Variants in MAPK9 observed in about 807,000 individuals in gnomAD.
MAPK9 encodes Jun kinase.
Under a neutral mutation model 57.1 loss-of-function variants are expected in MAPK9, and 30 were observed. That is an observed-to-expected ratio of 0.53 (90% CI 0.39 to 0.71). The LOEUF is 0.71. Ranked by LOEUF, MAPK9 falls within the 30% of genes least tolerant of loss-of-function variation. The probability of loss-of-function intolerance (pLI) is 0.00; values close to 1 mark genes in which losing one functional copy is unlikely to be tolerated. For synonymous variants in MAPK9, 155 were observed against 177.0 expected (o/e 0.88, Z 0.99); for missense variants, 362 against 521.0 (o/e 0.69, Z 2.97).
intron 7 of MAPK9, chr5:180,246,051 T>C (rs1450836080): frequency 6.6e-6 from 1 of 152,206 alleles, no homozygotes; most frequent in Non-Finnish European, 1.5e-5. Context: ...TTAATTTTAC[T>C]TACTAAAATG....
rs1019684954 is a variant in MAPK9, at chr5:180,254,810, G to A, written c.451-5672C>T. Among the ~76,000 whole-genome samples the A allele has an allele frequency of 8.5e-5, 13 of 152,158 alleles. No individual in the cohort carries two copies. The East Asian group carries it at 1.7e-3, about 20-fold the overall frequency. On this transcript the variant is annotated intron_variant, in intron 5 of 11. Transcript: ENST00000452135. ...AGCACTTTGGGAGGCCGAGGCGGGCGGATCACGAGGTCAGGAGATCGAGAC... is the reference window on the plus strand; with the variant it reads ...AGCACTTTGGGAGGCCGAGGCGGGCAGATCACGAGGTCAGGAGATCGAGAC...
chr5:180,289,161 C>T (rs1763021860), intron 1 of MAPK9, among the ~76,000 whole-genome samples: 1 of 152,172 alleles, frequency 6.6e-6, no homozygotes, highest in Non-Finnish European at 1.5e-5. Context: ...CTCATGAAAA[C>T]AACTGGTTTA....
At chr5:180,278,970 T>TC (rs1209375634) in intron 2 of MAPK9, among the ~76,000 whole-genome samples, 3 of 151,146 alleles carry the variant, frequency 2.0e-5, no homozygotes, top group East Asian at 3.9e-4. Context: ...TTTTTTTTTT[T>TC]TTTTTGAGAC....
chr5:180,275,302 C>T (rs1761713397), intron 2 of MAPK9, among the ~76,000 whole-genome samples: 1 of 152,106 alleles, frequency 6.6e-6, no homozygotes, highest in African/African-American at 2.4e-5. Context: ...GGGGCACTAG[C>T]AATTTTTGTT....
intron 11 of MAPK9, chr5:180,237,800 T>C (rs972388904): frequency 2.0e-5 from 3 of 152,428 alleles, no homozygotes; most frequent in African/African-American, 7.2e-5. Context: ...AATCTGATGC[T>C]AGCCAGGCTG....
rs376181114 is a variant in MAPK9 at position 180,261,924 on chromosome 5, A to G, written c.312-102T>C. The G allele has an allele frequency of 2.2e-6, 2 of 922,146 alleles. 1 individual carries two copies. The highest frequency in any genetic ancestry group is 6.0e-4 in the Middle Eastern group (2 of 3,356). The allele number at this position is 922,146 out of a possible 1,614,324, so 57.1% of individuals were successfully genotyped here. A position where few individuals can be genotyped will look rare whatever the true frequency, so the allele number is the denominator to read the frequency against. On this transcript the variant is annotated intron_variant, in intron 4 of 11. Coordinates refer to ENST00000452135, the MANE Select transcript of MAPK9 (RefSeq NM_002752.5). Reference sequence around the variant, plus strand: ...CTTACTTCCAATCACTGCACTGGCTAAAGTAAAAAGATAACTTGGTATAAT... The same window carrying G: ...CTTACTTCCAATCACTGCACTGGCTGAAGTAAAAAGATAACTTGGTATAAT...
In MAPK9 at chr5:180,291,898, C is replaced by A. The variant is rs1180916137; in HGVS notation, c.-98G>T. 1 of 147,272 alleles carries A rather than the reference C, an allele frequency of 6.8e-6. No individual in the cohort carries two copies. Among genetic ancestry groups the A allele is most frequent in the African/African-American group, 2.4e-5 (1 of 40,858 alleles). The allele number at this position is 147,272 out of a possible 1,614,324, so 9.1% of individuals were successfully genotyped here. A position where few individuals can be genotyped will look rare whatever the true frequency, so the allele number is the denominator to read the frequency against. Reference sequence around the variant, plus strand: ...GGGAGAGGGCGGGCGGGCGGACTGGCGGCGCTGCGTGCTAGTCACTCCTGG... The same window carrying A: ...GGGAGAGGGCGGGCGGGCGGACTGGAGGCGCTGCGTGCTAGTCACTCCTGG... On this transcript the variant is annotated 5_prime_UTR_variant, in exon 1 of 12. Coordinates refer to ENST00000452135, the MANE Select transcript of MAPK9 (RefSeq NM_002752.5).
intron 2 of MAPK9, chr5:180,279,904 AGT>A: frequency 2.2e-6 from 1 of 456,666 alleles, no homozygotes; most frequent in Non-Finnish European, 4.4e-6. Context: ...ACACAGTTGA[AGT>A]GAGACACCAA....
intron 2 of MAPK9, among the ~76,000 whole-genome samples, chr5:180,269,874 T>C (rs1271457810): frequency 1.3e-5 from 2 of 152,182 alleles, no homozygotes; most frequent in Non-Finnish European, 2.9e-5. Flanking sequence ...TGTGTTTTTT[T>C]CACAAATAAC....
At chr5:180,261,649 G>C in intron 5 of MAPK9, 35 bp downstream of exon 5, 1 of 1,541,488 alleles carries the variant, frequency 6.5e-7, no homozygotes, top group Non-Finnish European at 8.8e-7. Context: ...CCAAATGATT[G>C]TTTTTAAAAA....
intron 4 of MAPK9, chr5:180,263,133 A>C (rs912000326): frequency 6.6e-6 from 1 of 152,278 alleles, no homozygotes; most frequent in East Asian, 1.9e-4. Flanking sequence ...TCCCTAGCCC[A>C]GTCTGCTCTT....
At chr5:180,252,392 T>C (rs896272963) in intron 5 of MAPK9, among the ~76,000 whole-genome samples, 1 of 151,884 alleles carries the variant, frequency 6.6e-6, no homozygotes, top group African/African-American at 2.4e-5. Context: ...CCGTCTGGGG[T>C]CATTCTCCAG....
intron 2 of MAPK9, among the ~76,000 whole-genome samples, chr5:180,278,788 C>T (rs1349612388): frequency 1.9e-5 from 2 of 104,292 alleles, no homozygotes; most frequent in African/African-American, 5.4e-5. Context: ...CTTGCCCCCT[C>T]TCTCCTTTTT....
rs35850133 is a variant in MAPK9 at position 180,259,576 on chromosome 5, C to T, written c.450+2108G>A. Among the ~76,000 whole-genome samples the T allele has an allele frequency of 5.6e-3, 845 of 152,192 alleles. 7 individuals carry two copies. Among genetic ancestry groups the T allele is most frequent in the Non-Finnish European group, 9.2e-3 (626 of 68,016 alleles). ...GGATGTGGTCAAGTCTTCAGACATT[C>T]CAGTTCTCTATGTAAACATGAAAAA... On this transcript the variant is annotated intron_variant, in intron 5 of 11. Transcript: ENST00000452135.
Position 180,236,040 on chromosome 5 carries a change from A to G in MAPK9, c.*344T>C. 6.0e-6 allele frequency: 1 copy of G among 167,298 alleles called. No homozygotes were observed. Among genetic ancestry groups the G allele is most frequent in the East Asian group, 1.7e-4 (1 of 6,040 alleles). The allele number at this position is 167,298 out of a possible 1,614,324, so 10.4% of individuals were successfully genotyped here. A position where few individuals can be genotyped will look rare whatever the true frequency, so the allele number is the denominator to read the frequency against. ...CCAAAGTGCTAGATGGGCAAGTCCA[A>G]GCAAGCATTTGTGGTCACATGCACA... On this transcript the variant is annotated 3_prime_UTR_variant, in exon 12 of 12. Transcript: ENST00000452135.
At chr5:180,249,456 C>T (rs113471668) in intron 5 of MAPK9, among the ~76,000 whole-genome samples, 94 of 151,790 alleles carry the variant, frequency 6.2e-4, no homozygotes, top group African/African-American at 2.1e-3. Flanking sequence ...GCCCCCCTCC[C>T]GCTCTCCACG....
chr5:180,251,003 C>A (rs1006812789), intron 5 of MAPK9, among the ~76,000 whole-genome samples: 2 of 152,192 alleles, frequency 1.3e-5, no homozygotes, highest in African/African-American at 4.8e-5. Context: ...ATGACAAGAA[C>A]AGGCATTTTA....
chr5:180,241,951 T>C (rs1757704534), intron 8 of MAPK9, among the ~76,000 whole-genome samples: 1 of 152,220 alleles, frequency 6.6e-6, no homozygotes, highest in Non-Finnish European at 1.5e-5. Context: ...CAGATGCTTC[T>C]GGCTGGCCTA....
Position 180,261,822 on chromosome 5 carries a change from C to T in MAPK9, c.312G>A (p.Val104=), listed in dbSNP as rs774546178. 1.9e-6 allele frequency: 3 copies of T among 1,597,930 alleles called. No individual in the cohort carries two copies. Among genetic ancestry groups the T allele is most frequent in the African/African-American group, 2.7e-5 (2 of 74,076 alleles). ...CATCCATTAATTCCATAACCAAATA[C>T]CTGAGGGAGAAAAGGTCAGTTATTT... ...PQKTLEEFQD[V]YLVMELMDAN... The change falls in exon 5 of 12, where the codon GTG becomes GTA. Residue 104 remains valine (V), a splice_region_variant and synonymous_variant. Transcript: ENST00000452135.
Sources: allele counts gnomAD v4.1 joint callset (sites outside exome capture counted in the v4.1 genomes callset), GRCh38; gene constraint gnomAD v4.1.1; transcripts MANE v1.5; gene names NCBI Gene and HGNC (gene_info 2026-07-23, HGNC 2026-07-21).